THSD7B: variants seen among roughly 807,000 people sequenced by gnomAD.
THSD7B encodes thrombospondin type-1 domain-containing protein 7B.
THSD7B carries 138 observed loss-of-function variants against 213.6 expected under a neutral mutation model. That is an observed-to-expected ratio of 0.65 (90% CI 0.56 to 0.74). The LOEUF is 0.74. THSD7B is among the 30% of genes least tolerant of loss of function. The probability of loss-of-function intolerance (pLI) is 0.00; values close to 1 mark genes in which losing one functional copy is unlikely to be tolerated. For missense variants in THSD7B, 1,931 were observed against 1,991.5 expected (o/e 0.97, Z 0.58); for synonymous variants, 742 against 687.0 (o/e 1.08, Z -1.25).
At chr2:137,412,297 T>G (rs558404819) in intron 14 of THSD7B, among the ~76,000 whole-genome samples, 58 of 152,064 alleles carry the variant, frequency 3.8e-4, no homozygotes, top group African/African-American at 1.4e-3. Flanking sequence ...AAAAGTTGAT[T>G]TTAAAAGTTT....
chr2:137,483,931 C>A (rs1688364277), intron 15 of THSD7B, among the ~76,000 whole-genome samples: 1 of 152,018 alleles, frequency 6.6e-6, no homozygotes, highest in Non-Finnish European at 1.5e-5. Context: ...TGGTAGGATG[C>A]TAACATCATT....
chr2:136,963,161 C>G (rs1032240167), intron 2 of THSD7B, among the ~76,000 whole-genome samples: 6 of 152,204 alleles, frequency 3.9e-5, no homozygotes, highest in Admixed American at 1.3e-4. Flanking sequence ...GCCCAACTCT[C>G]TGAAAAATTT....
chr2:137,112,302 G>A (rs1022685578), intron 4 of THSD7B, among the ~76,000 whole-genome samples: 1 of 151,954 alleles, frequency 6.6e-6, no homozygotes, highest in Non-Finnish European at 1.5e-5. Flanking sequence ...GAATATAGAA[G>A]TAGTTTATTG....
chr2:137,540,049 T>C (rs542785730), intron 15 of THSD7B, among the ~76,000 whole-genome samples: 3 of 151,704 alleles, frequency 2.0e-5, no homozygotes, highest in Non-Finnish European at 4.4e-5. Flanking sequence ...ATGTCTTATC[T>C]AAAAATGAAG....
intron 2 of THSD7B, among the ~76,000 whole-genome samples, chr2:136,932,110 CAA>C (rs146300154): frequency 0.16 from 24,266 of 151,916 alleles, 2,415 homozygotes; most frequent in East Asian, 0.44. Flanking sequence ...TATAATTTTC[CAA>C]AGTCTTGTTT....
chr2:137,605,657 T>TA (rs1682160427), intron 17 of THSD7B, among the ~76,000 whole-genome samples: 1 of 53,504 alleles, frequency 1.9e-5, no homozygotes, highest in Non-Finnish European at 3.6e-5. Flanking sequence ...ACTTTTTTTT[T>TA]TTTTTTTTTT....
At chr2:137,640,950 T>A (rs376310866) in intron 20 of THSD7B, among the ~76,000 whole-genome samples, 1 of 152,356 alleles carries the variant, frequency 6.6e-6, no homozygotes, top group East Asian at 1.9e-4. Context: ...CTCAGAGAGT[T>A]AGTTTACCAC....
At chr2:137,458,590 TA>T (rs1404349447) in intron 15 of THSD7B, among the ~76,000 whole-genome samples, 1 of 152,176 alleles carries the variant, frequency 6.6e-6, no homozygotes, top group African/African-American at 2.4e-5. Context: ...TGCTCAAATT[TA>T]ATTTGTTTTC....
chr2:137,085,900 AG>A (rs1687831049), intron 3 of THSD7B, among the ~76,000 whole-genome samples: 1 of 152,232 alleles, frequency 6.6e-6, no homozygotes, highest in South Asian at 2.1e-4. Context: ...ATCAAATTAT[AG>A]GAAAATATAT....
chr2:136,775,989 A>G (rs909343077), intron 1 of THSD7B, among the ~76,000 whole-genome samples: 2 of 152,120 alleles, frequency 1.3e-5, no homozygotes, highest in African/African-American at 2.4e-5. Context: ...GCCAATCTTT[A>G]TGTACTGGTT....
chr2:136,838,718 G>A (rs1682877739), intron 1 of THSD7B, among the ~76,000 whole-genome samples: 1 of 152,136 alleles, frequency 6.6e-6, no homozygotes, highest in East Asian at 1.9e-4. Context: ...TCTGACTGGG[G>A]GTGGCCATTT....
chr2:137,135,442 C>A (rs1679419964), intron 5 of THSD7B, among the ~76,000 whole-genome samples: 1 of 152,112 alleles, frequency 6.6e-6, no homozygotes. Context: ...GCTCAGGAGC[C>A]CTTCTTTGGA....
chr2:137,513,258 C>A (rs745629822), intron 15 of THSD7B, among the ~76,000 whole-genome samples: 10 of 152,114 alleles, frequency 6.6e-5, no homozygotes, highest in Non-Finnish European at 1.3e-4. Flanking sequence ...TTTGTTGAGA[C>A]TGAGAATTTG....
chr2:137,572,633 T>G, intron 17 of THSD7B, 77 bp downstream of exon 17: 1 of 1,495,852 alleles, frequency 6.7e-7, no homozygotes, highest in South Asian at 1.2e-5. Context: ...TTCACAGTGC[T>G]AGTCTCCAAA....
chr2:136,885,262 A>G (rs1047290280), intron 2 of THSD7B, among the ~76,000 whole-genome samples: 1 of 150,766 alleles, frequency 6.6e-6, no homozygotes, highest in African/African-American at 2.4e-5. Flanking sequence ...CCACACCCCA[A>G]ATCGGTAGGT....
At chr2:137,205,102 T>G (rs1469724954) in intron 7 of THSD7B, among the ~76,000 whole-genome samples, 2 of 152,040 alleles carry the variant, frequency 1.3e-5, no homozygotes, top group Non-Finnish European at 2.9e-5. Flanking sequence ...GATCCTACCA[T>G]AGCCAAAATC....
At chr2:136,869,293 C>G (rs544415080) in intron 1 of THSD7B, among the ~76,000 whole-genome samples, 47 of 152,302 alleles carry the variant, frequency 3.1e-4, no homozygotes, top group African/African-American at 9.1e-4. Context: ...TTCAGAGACT[C>G]AAACCAAGAG....
At chr2:136,916,541 G>T (rs1452692981) in intron 2 of THSD7B, among the ~76,000 whole-genome samples, 2 of 152,182 alleles carry the variant, frequency 1.3e-5, no homozygotes, top group Non-Finnish European at 2.9e-5. Context: ...GTGAGCAGTA[G>T]AACTCAGTTT....
chr2:137,667,147 A>T (rs1472594309), intron 26 of THSD7B, among the ~76,000 whole-genome samples: 1 of 152,208 alleles, frequency 6.6e-6, no homozygotes, highest in African/African-American at 2.4e-5. Context: ...GACTATAAAC[A>T]CCTTAAAATA....
Sources: gnomAD v4.1 joint callset for allele counts (sites outside exome capture counted in the v4.1 genomes callset) on GRCh38, gnomAD v4.1.1 for gene constraint, MANE v1.5 for transcripts, NCBI Gene and HGNC (gene_info 2026-07-23, HGNC 2026-07-21) for gene names.